VAV3: variants seen among roughly 807,000 people sequenced by gnomAD.
The protein encoded by VAV3 is vav guanine nucleotide exchange factor 3.
Under a neutral mutation model 131.2 loss-of-function variants are expected in VAV3, and 94 were observed. That is an observed-to-expected ratio of 0.72 (90% CI 0.61 to 0.85). VAV3 has a LOEUF of 0.85. Among genes scored for constraint, VAV3 ranks in the 40% least tolerant of loss-of-function variants. The pLI is 0.00. For synonymous variants in VAV3, 349 were observed against 342.0 expected, an observed-to-expected ratio of 1.02 and a Z score of -0.22; for missense variants, 939 against 1,002.7, an observed-to-expected ratio of 0.94 and a Z score of 0.86.
intron 2 of VAV3, among the ~76,000 whole-genome samples, chr1:107,869,721 G>C (rs1310131177): frequency 6.6e-6 from 1 of 152,168 alleles, no homozygotes; most frequent in Non-Finnish European, 1.5e-5. Context: ...ATTTAGTGGT[G>C]ATCTGAGATT....
intron 20 of VAV3, among the ~76,000 whole-genome samples, chr1:107,635,706 C>A (rs1162529906): frequency 2.6e-5 from 4 of 152,166 alleles, no homozygotes; most frequent in East Asian, 1.9e-4. Flanking sequence ...AAACTAGTTT[C>A]TTTAATTAGC....
intron 9 of VAV3, among the ~76,000 whole-genome samples, chr1:107,764,807 G>A (rs1435681603): frequency 6.6e-6 from 1 of 152,134 alleles, no homozygotes; most frequent in African/African-American, 2.4e-5. Flanking sequence ...CTCATAAGAT[G>A]AGAAAATTAA....
rs180685270 is a variant in VAV3 at position 107,913,773 on chromosome 1, C to A, written c.205-38756G>T. 2.4e-4 allele frequency among the ~76,000 whole-genome samples: 36 copies of A among 152,230 alleles called. 1 individual carries two copies. In the East Asian group the frequency reaches 4.4e-3, roughly 19 times the overall value. On this transcript the variant is annotated intron_variant, in intron 1 of 26. Transcript: ENST00000370056. ...AGGCACTAACAAAAATTTTAATTTA[C>A]AACTTCACAAATTATTATTTTTTTT...
intron 1 of VAV3, among the ~76,000 whole-genome samples, chr1:107,918,705 ATT>A (rs66707621): frequency 0.052 from 3,997 of 76,812 alleles, 56 homozygotes; most frequent in African/African-American, 0.084. Flanking sequence ...ATATATATAT[ATT>A]TTTTTTTTTT....
chr1:107,648,416 T>A (rs1272713797), intron 19 of VAV3, among the ~76,000 whole-genome samples: 1 of 152,044 alleles, frequency 6.6e-6, no homozygotes, highest in Non-Finnish European at 1.5e-5. Flanking sequence ...ATTTCATGTG[T>A]TACTTGAAAA....
chr1:107,801,768 G>C (rs1240881150), intron 2 of VAV3, among the ~76,000 whole-genome samples: 1 of 152,046 alleles, frequency 6.6e-6, no homozygotes, highest in Non-Finnish European at 1.5e-5. Context: ...TGTGATTCTG[G>C]GGGCTGCCAG....
At chr1:107,880,542 T>C (rs1670712806) in intron 1 of VAV3, among the ~76,000 whole-genome samples, 1 of 152,044 alleles carries the variant, frequency 6.6e-6, no homozygotes, top group Admixed American at 6.6e-5. Flanking sequence ...ATGTCTGTAA[T>C]CCCAACACTT....
Position 107,925,317 on chromosome 1 carries a change from ATTATT to A in VAV3, c.204+39344_204+39348del, listed in dbSNP as rs556759821. The stretch of plus-strand genomic sequence containing the variant: ...TTGTGAATATTCAGTAAGCTGTATA[ATTATT>A]TAAAGAAGGTACAAACCAATATTAC... On this transcript the variant is annotated intron_variant, in intron 1 of 26. Transcript: ENST00000370056. Among the ~76,000 whole-genome samples, 29 of 152,316 alleles carry A rather than the reference ATTATT, an allele frequency of 1.9e-4. No homozygotes were observed. The South Asian group carries it at 6.0e-3, about 32-fold the overall frequency.
At chr1:107,627,741 A>G (rs929488144) in intron 20 of VAV3, among the ~76,000 whole-genome samples, 3 of 152,238 alleles carry the variant, frequency 2.0e-5, no homozygotes, top group Non-Finnish European at 4.4e-5. Flanking sequence ...TAGTTTTAAA[A>G]TTATTCTGAG....
intron 17 of VAV3, among the ~76,000 whole-genome samples, chr1:107,694,488 G>A (rs551169966): frequency 3.3e-5 from 5 of 152,212 alleles, no homozygotes; most frequent in African/African-American, 7.2e-5. Flanking sequence ...CCTAACAATC[G>A]ATGCTTAGGC....
At chr1:107,641,113 G>T (rs1458704892) in intron 20 of VAV3, among the ~76,000 whole-genome samples, 2 of 152,166 alleles carry the variant, frequency 1.3e-5, no homozygotes, top group Non-Finnish European at 2.9e-5. Flanking sequence ...TTTCTGGGAA[G>T]GATGAAGTTT....
intron 1 of VAV3, among the ~76,000 whole-genome samples, chr1:107,945,519 G>A (rs940291198): frequency 2.0e-5 from 3 of 152,104 alleles, no homozygotes; most frequent in Admixed American, 6.6e-5. Context: ...GTGAAGCTTA[G>A]ATCTAGTAGA....
chr1:107,702,863 C>T, intron 17 of VAV3, among the ~76,000 whole-genome samples: 1 of 151,900 alleles, frequency 6.6e-6, no homozygotes, highest in Middle Eastern at 3.5e-3. Flanking sequence ...TCTCACTTTG[C>T]TCAGGTACTG....
chr1:107,852,770 T>C (rs1033727921), intron 2 of VAV3, among the ~76,000 whole-genome samples: 3 of 152,196 alleles, frequency 2.0e-5, no homozygotes, highest in Non-Finnish European at 4.4e-5. Context: ...GTATATTTAC[T>C]AGGTCAAAGA....
intron 25 of VAV3, among the ~76,000 whole-genome samples, chr1:107,574,998 C>T (rs61801409): frequency 0.85 from 122,101 of 144,412 alleles, 50,916 homozygotes; most frequent in East Asian, 0.94. Context: ...TGTGTGCGTG[C>T]GTGCGCGCGC....
At chr1:107,723,292 C>T (rs1661614419) in intron 15 of VAV3, among the ~76,000 whole-genome samples, 1 of 152,148 alleles carries the variant, frequency 6.6e-6, no homozygotes, top group South Asian at 2.1e-4. Flanking sequence ...TCTGATGTCA[C>T]AGCCTCCCCT....
Position 107,963,823 on chromosome 1 carries a change from C to T in VAV3, c.204+843G>A, listed in dbSNP as rs751875440. On this transcript the variant is annotated intron_variant, in intron 1 of 26. Coordinates refer to ENST00000370056, the MANE Select transcript of VAV3 (RefSeq NM_006113.5). ...AACATCCTTCTGTACAAAAATTTTC[C>T]GACAGGACAAATAAACTACTCTTCC... is the stretch of plus-strand genomic sequence containing the variant. 2.4e-4 allele frequency among the ~76,000 whole-genome samples: 36 copies of T among 152,212 alleles called. No individual in the cohort carries two copies. The Middle Eastern group carries it at 0.01, about 43-fold the overall frequency.
At chr1:107,789,068 T>C (rs1394085962) in intron 2 of VAV3, among the ~76,000 whole-genome samples, 1 of 152,210 alleles carries the variant, frequency 6.6e-6, no homozygotes, top group African/African-American at 2.4e-5. Flanking sequence ...TCCCTTTGAA[T>C]GGACATGCCC....
chr1:107,790,375 T>G (rs1442778318), intron 2 of VAV3, among the ~76,000 whole-genome samples: 1 of 152,180 alleles, frequency 6.6e-6, no homozygotes. Context: ...CTGAGAAAAC[T>G]GGACAAGACC....
Sources: allele counts gnomAD v4.1 joint callset (sites outside exome capture counted in the v4.1 genomes callset), GRCh38; gene constraint gnomAD v4.1.1; transcripts MANE v1.5; gene names NCBI Gene and HGNC (gene_info 2026-07-23, HGNC 2026-07-21).